Variants in MAP3K14 observed in about 807,000 individuals in gnomAD.
MAP3K14 encodes the protein mitogen-activated protein kinase kinase kinase 14, also known as NF-kappa-beta-inducing kinase.
A neutral mutation model predicts 99.2 loss-of-function variants in MAP3K14; 16 were observed. That is an observed-to-expected ratio of 0.16 (90% confidence interval 0.11 to 0.24). The LOEUF (loss-of-function observed/expected upper bound fraction) is 0.24, where lower values mean the gene tolerates loss of function less well. Ranked by LOEUF, MAP3K14 falls within the 10% of genes least tolerant of loss-of-function variation. The probability of loss-of-function intolerance (pLI) is 1.00; values close to 1 mark genes in which losing one functional copy is unlikely to be tolerated. For synonymous variants in MAP3K14, 462 were observed against 492.4 expected (o/e 0.94, Z 0.82); for missense variants, 784 against 1,208.7 (o/e 0.65, Z 5.21).
chr17:45,279,978 A>C (rs776424691), intron 6 of MAP3K14, among the ~76,000 whole-genome samples: 5 of 152,274 alleles, frequency 3.3e-5, no homozygotes, highest in Admixed American at 3.3e-4. Context: ...CTTTACCCCA[A>C]TATAAATGTC....
At chr17:45,302,336 C>A (rs1432967290) in intron 1 of MAP3K14, among the ~76,000 whole-genome samples, 2 of 151,966 alleles carry the variant, frequency 1.3e-5, no homozygotes, top group Non-Finnish European at 2.9e-5. Context: ...GAGATGGAGT[C>A]TCACTCTATT....
Position 45,303,782 on chromosome 17 carries a change from C to T in MAP3K14, c.-20-13017G>A, listed in dbSNP as rs558398818. Among the ~76,000 whole-genome samples, 6 of 150,208 alleles carry T rather than the reference C, an allele frequency of 4.0e-5. No homozygotes were observed. The South Asian group carries it at 1.0e-3, about 26-fold the overall frequency. On this transcript the variant is annotated intron_variant, in intron 1 of 15. Transcript: ENST00000344686. Reference sequence around the variant, plus strand: ...TATTTTTAGTAGAGACGGGGTTTCACCGTGTTAGCTAGGATGGTCTTGATC... The same window carrying T: ...TATTTTTAGTAGAGACGGGGTTTCATCGTGTTAGCTAGGATGGTCTTGATC...
chr17:45,273,074 TAAAG>T lies in MAP3K14; in HGVS notation c.1657+425_1657+428del, dbSNP rs137995628. ...GGATTATTTCAATAATCAGAGGAGT[TAAAG>T]AAAGATATTTCACTGACTTTAGAGC... On this transcript the variant is annotated intron_variant, in intron 9 of 15. Transcript: ENST00000344686. 2.7e-3 allele frequency among the ~76,000 whole-genome samples: 405 copies of T among 152,310 alleles called. 3 individuals are homozygous for T. The highest frequency in any genetic ancestry group is 9.3e-3 in the African/African-American group (385 of 41,566).
Position 45,267,239 on chromosome 17 carries a change from G to A in MAP3K14, c.2327-41C>T, listed in dbSNP as rs2044095249. 6.8e-7 allele frequency: 1 copy of A among 1,462,692 alleles called. No individual in the cohort carries two copies. The highest frequency in any genetic ancestry group is 9.4e-7 in the Non-Finnish European group (1 of 1,063,952). The allele number at this position is 1,462,692 out of a possible 1,614,324, so 90.6% of individuals were successfully genotyped here. On this transcript the variant is annotated intron_variant, in intron 12 of 15. Transcript: ENST00000344686. The surrounding 1 kb of genome is among the most constrained non-coding windows in gnomAD (Gnocchi z 5.1). ...GAAGATGGCTGTGAAAGACTGGGAG[G>A]AGGCTGGCTGTGTTTTCAGGGGTTC...
intron 1 of MAP3K14, among the ~76,000 whole-genome samples, chr17:45,316,434 G>A (rs1055635573): frequency 5.3e-5 from 8 of 152,234 alleles, no homozygotes; most frequent in African/African-American, 1.7e-4. Context: ...AGGATGCTGC[G>A]GGCGGCCAGC....
At chr17:45,290,427 C>A in intron 2 of MAP3K14, 63 bp downstream of exon 2, 2 of 1,595,474 alleles carry the variant, frequency 1.3e-6, no homozygotes, top group Non-Finnish European at 1.7e-6. Context: ...AACCCCTGGG[C>A]CCAGCTACCC....
chr17:45,282,390 T>C (rs1307687139), intron 6 of MAP3K14, among the ~76,000 whole-genome samples: 3 of 151,818 alleles, frequency 2.0e-5, no homozygotes, highest in Non-Finnish European at 4.4e-5. Flanking sequence ...ATCCTGTTTC[T>C]ACAAAAAATA....
chr17:45,264,498 C>T lies in MAP3K14; in HGVS notation c.*138G>A. The stretch of plus-strand genomic sequence containing the variant: ...CATTCTGCTTGCCCCCACCTTGCTG[C>T]TGCGAGGCCCTGGTCCCACTGCTGA... On this transcript the variant is annotated 3_prime_UTR_variant, in exon 16 of 16. Coordinates refer to ENST00000344686, the MANE Select transcript of MAP3K14 (RefSeq NM_003954.5). 1.8e-6 allele frequency: 2 copies of T among 1,093,430 alleles called. No homozygotes were observed. Among genetic ancestry groups the T allele is most frequent in the Non-Finnish European group, 2.5e-6 (2 of 794,932 alleles). The allele number at this position is 1,093,430 out of a possible 1,614,324, so 67.7% of individuals were successfully genotyped here.
chr17:45,273,777 C>G (rs1359073542), intron 8 of MAP3K14, 170 bp from the exon 9 acceptor site: 1 of 697,160 alleles, frequency 1.4e-6, no homozygotes. Flanking sequence ...AGGAGGGTAT[C>G]AATTCAGGCT....
rs555553445 is a variant in MAP3K14, at chr17:45,270,494, G to C, written c.1891C>G (p.Gln631Glu). Residue 631 changes from glutamine to glutamate, a missense_variant, in exon 11 of 16, where the codon CAA becomes GAA. Transcript: ENST00000344686. ...SCAPLTAQAI[Q>E]EGLRKEPIHR... Reference sequence around the variant, plus strand: ...ATGGGCTCTTTCCTCAGCCCCTCTTGGATGGCCTGGGCTGTGAGAGGGGCG... The same window carrying C: ...ATGGGCTCTTTCCTCAGCCCCTCTTCGATGGCCTGGGCTGTGAGAGGGGCG... The C allele has an allele frequency of 1.1e-4, 170 of 1,609,164 alleles. 2 individuals are homozygous for C. The South Asian group carries it at 1.8e-3, about 17-fold the overall frequency.
intron 6 of MAP3K14, among the ~76,000 whole-genome samples, chr17:45,283,271 G>A (rs547617756): frequency 6.6e-6 from 1 of 152,324 alleles, no homozygotes; most frequent in South Asian, 2.1e-4. Context: ...GGTAGCCTGG[G>A]GAGGGGAATT....
At chr17:45,315,989 T>C (rs1269977207) in intron 1 of MAP3K14, among the ~76,000 whole-genome samples, 4 of 152,250 alleles carry the variant, frequency 2.6e-5, no homozygotes, top group Non-Finnish European at 5.9e-5. Flanking sequence ...CAGACTCCTA[T>C]TTTATATCAT....
At position 45,287,052 on chromosome 17, in the gene MAP3K14, G is replaced by A. The variant is rs752362061; in HGVS notation, c.538-7C>T. The A allele has an allele frequency of 5.6e-6, 9 of 1,609,382 alleles. No individual in the cohort carries two copies. The Admixed American group carries it at 1.0e-4, about 18-fold the overall frequency. On this transcript the variant is annotated splice_polypyrimidine_tract_variant and splice_region_variant and intron_variant, in intron 4 of 15. Coordinates refer to ENST00000344686, the MANE Select transcript of MAP3K14 (RefSeq NM_003954.5). ...CGAGTGGAGACTCATCCTCCTGCGG[G>A]GGGAAACACAGCTATCAGCACAGAG...
chr17:45,301,896 G>A (rs941397597), intron 1 of MAP3K14, among the ~76,000 whole-genome samples: 2 of 146,956 alleles, frequency 1.4e-5, no homozygotes, highest in African/African-American at 2.5e-5. Context: ...GCAGTGACAC[G>A]ATCTCAGCTC....
At chr17:45,307,670 G>C (rs762368101) in intron 1 of MAP3K14, among the ~76,000 whole-genome samples, 5 of 152,158 alleles carry the variant, frequency 3.3e-5, no homozygotes, top group Non-Finnish European at 7.3e-5. Flanking sequence ...TTCAGAGGTG[G>C]GAGTGGCTTC....
chr17:45,293,704 T>A (rs1374589034), intron 1 of MAP3K14, among the ~76,000 whole-genome samples: 1 of 152,214 alleles, frequency 6.6e-6, no homozygotes, highest in East Asian at 1.9e-4. Context: ...GGCTTTTCTG[T>A]GCCACATCAC....
intron 8 of MAP3K14, 37 bp downstream of exon 8, chr17:45,274,085 GC>G: frequency 6.3e-7 from 1 of 1,598,708 alleles, no homozygotes; most frequent in Non-Finnish European, 8.5e-7. Flanking sequence ...TGAGAGAAGA[GC>G]CTGCTGGGGA....
At chr17:45,270,644 C>T in intron 10 of MAP3K14, 81 bp from the exon 11 acceptor site, 1 of 1,442,998 alleles carries the variant, frequency 6.9e-7, no homozygotes, top group Non-Finnish European at 9.1e-7. Context: ...TGCGCAACTC[C>T]CGCCGGCCCC....
chr17:45,296,027 G>A (rs2044344332), intron 1 of MAP3K14, among the ~76,000 whole-genome samples: 1 of 152,232 alleles, frequency 6.6e-6, no homozygotes, highest in South Asian at 2.1e-4. Flanking sequence ...AAGGGGCCAA[G>A]GCAAATCCCT....
Sources: allele counts gnomAD v4.1 joint callset (sites outside exome capture counted in the v4.1 genomes callset), GRCh38; gene constraint gnomAD v4.1.1; non-coding constraint Gnocchi (gnomAD v3.1); transcripts MANE v1.5; gene names NCBI Gene and HGNC (gene_info 2026-07-23, HGNC 2026-07-21).